Variants in CAMTA1 observed in about 807,000 individuals in gnomAD.
CAMTA1 encodes the protein calmodulin-binding transcription activator 1.
Under a neutral mutation model 170.9 loss-of-function variants are expected in CAMTA1, and 27 were observed. That is an observed-to-expected ratio of 0.16 (90% CI 0.12 to 0.22). The LOEUF (loss-of-function observed/expected upper bound fraction) is 0.22. CAMTA1 is among the 10% of genes least tolerant of loss of function. The pLI, the probability that CAMTA1 is intolerant of heterozygous loss-of-function variation, is 1.00. For missense variants in CAMTA1, 1,619 were observed against 2,217.2 expected (o/e 0.73, Z 5.42); for synonymous variants, 833 against 891.5 (o/e 0.93, Z 1.17).
intron 6 of CAMTA1, among the ~76,000 whole-genome samples, chr1:7,496,273 G>A (rs1215242298): frequency 6.6e-6 from 1 of 152,238 alleles, no homozygotes; most frequent in South Asian, 2.1e-4. Flanking sequence ...GGCTGTTGTG[G>A]GCTCTCTGTA....
rs1464557377 is a variant in CAMTA1 at position 7,677,751 on chromosome 1, G to T, written c.2914+18G>T. ...GTTGGACGGTAAGAACAGTGCTTGG[G>T]TCGTCTTGCCAGGCACCAAGGGAGA... On this transcript the variant is annotated intron_variant, in intron 11 of 22. Coordinates refer to ENST00000303635, the MANE Select transcript of CAMTA1 (RefSeq NM_015215.4). 1 of 1,608,444 alleles carries T rather than the reference G, an allele frequency of 6.2e-7. No individual in the cohort carries two copies. Among genetic ancestry groups the T allele is most frequent in the African/African-American group, 1.3e-5 (1 of 74,774 alleles).
intron 3 of CAMTA1, among the ~76,000 whole-genome samples, chr1:6,915,879 C>G (rs1425743814): frequency 6.6e-6 from 1 of 152,186 alleles, no homozygotes; most frequent in East Asian, 1.9e-4. Flanking sequence ...ACAACTGAGT[C>G]TCTGACCCCA....
chr1:7,119,828 G>T (rs182240107), intron 4 of CAMTA1, among the ~76,000 whole-genome samples: 248 of 152,298 alleles, frequency 1.6e-3, no homozygotes, highest in Non-Finnish European at 3.0e-3. Context: ...AGAAAATGAT[G>T]TGCGTGGCCT....
At chr1:7,320,969 CA>C (rs1678325695) in intron 5 of CAMTA1, among the ~76,000 whole-genome samples, 4 of 152,138 alleles carry the variant, frequency 2.6e-5, no homozygotes, top group African/African-American at 7.2e-5. Context: ...GACTCTGTGC[CA>C]AACCATCCTC....
intron 3 of CAMTA1, among the ~76,000 whole-genome samples, chr1:7,053,504 G>A (rs1424934798): frequency 6.6e-6 from 1 of 152,190 alleles, no homozygotes; most frequent in South Asian, 2.1e-4. Flanking sequence ...GTCAGATCAT[G>A]GCACGTCTTT....
intron 3 of CAMTA1, among the ~76,000 whole-genome samples, chr1:6,994,554 C>T (rs1182547160): frequency 3.9e-5 from 6 of 152,130 alleles, no homozygotes; most frequent in Admixed American, 1.3e-4. Context: ...TTATTCCCTG[C>T]GGAACGTGTC....
At position 7,144,953 on chromosome 1, in the gene CAMTA1, C is replaced by T. The variant is rs1646098583; in HGVS notation, c.302+53582C>T. Among the ~76,000 whole-genome samples the T allele has an allele frequency of 6.6e-6, 1 of 152,258 alleles. No homozygotes were observed. Among genetic ancestry groups the T allele is most frequent in the African/African-American group, 2.4e-5 (1 of 41,468 alleles). ...AAATGCAGACAGGAAGGCCGAGTAA[C>T]CTCTCAAGCTCTGCAGCGGTTGGGA... On this transcript the variant is annotated intron_variant, in intron 4 of 22. Transcript: ENST00000303635. The surrounding 1 kb of genome is among the most constrained non-coding windows in gnomAD (Gnocchi z 4.0).
intron 3 of CAMTA1, among the ~76,000 whole-genome samples, chr1:7,040,703 C>A (rs1704305116): frequency 6.6e-6 from 1 of 151,758 alleles, no homozygotes; most frequent in African/African-American, 2.4e-5. Flanking sequence ...GGACTTTCTG[C>A]CTTGGCCATG....
chr1:6,861,594 T>C (rs879330067), intron 3 of CAMTA1, among the ~76,000 whole-genome samples: 16 of 152,196 alleles, frequency 1.1e-4, no homozygotes, highest in Non-Finnish European at 2.2e-4. Flanking sequence ...TTGAACTGCA[T>C]GTCAGTAGGG....
rs553306449 is a variant in CAMTA1 at position 7,240,276 on chromosome 1, G to C, written c.303-9215G>C. On this transcript the variant is annotated intron_variant, in intron 4 of 22. Transcript: ENST00000303635. ...TCCTATTTGGTAACTCAAAAGAACA[G>C]TTTGTACAGGAAAGGCAGGATATGT... is the stretch of plus-strand genomic sequence containing the variant. Among the ~76,000 whole-genome samples, 6 of 152,240 alleles carry C rather than the reference G, an allele frequency of 3.9e-5. No individual in the cohort carries two copies. The East Asian group carries it at 9.7e-4, about 25-fold the overall frequency.
chr1:7,481,904 A>G (rs1229911085), intron 6 of CAMTA1, among the ~76,000 whole-genome samples: 2 of 151,730 alleles, frequency 1.3e-5, no homozygotes, highest in Admixed American at 6.6e-5. Flanking sequence ...TGCGTGCGTC[A>G]GTCATACCCT....
At chr1:7,717,679 GT>G (rs1400837908) in intron 11 of CAMTA1, among the ~76,000 whole-genome samples, 2 of 151,936 alleles carry the variant, frequency 1.3e-5, no homozygotes, top group African/African-American at 4.8e-5. Context: ...GGTGAGTCAT[GT>G]TTGCACCACT....
chr1:7,177,687 C>T (rs1651204426), intron 4 of CAMTA1, among the ~76,000 whole-genome samples: 1 of 149,648 alleles, frequency 6.7e-6, no homozygotes, highest in African/African-American at 2.5e-5. Context: ...TGCCCATATA[C>T]CAGTACCCCT....
In CAMTA1 at chr1:7,665,993, C is replaced by A. The variant is rs918944696; in HGVS notation, c.2652+794C>A. ...GACTAGCCTGGCCAACATGGTGAAACCCCGTCTCTACTAAAAATACAAAAA... is the reference window on the plus strand; with the variant it reads ...GACTAGCCTGGCCAACATGGTGAAAACCCGTCTCTACTAAAAATACAAAAA... On this transcript the variant is annotated intron_variant, in intron 9 of 22. Coordinates refer to ENST00000303635, the MANE Select transcript of CAMTA1 (RefSeq NM_015215.4). The surrounding 1 kb of genome is among the most constrained non-coding windows in gnomAD (Gnocchi z 4.3). Among the ~76,000 whole-genome samples the A allele has an allele frequency of 6.6e-6, 1 of 151,912 alleles. No homozygotes were observed. Among genetic ancestry groups the A allele is most frequent in the Admixed American group, 6.5e-5 (1 of 15,268 alleles).
chr1:6,877,247 A>G (rs1332136648), intron 3 of CAMTA1, among the ~76,000 whole-genome samples: 2 of 152,218 alleles, frequency 1.3e-5, no homozygotes, highest in Non-Finnish European at 2.9e-5. Flanking sequence ...TTTTGAGGGC[A>G]AGCGGCAGAC....
At chr1:7,130,284 A>G (rs1558142974) in intron 4 of CAMTA1, among the ~76,000 whole-genome samples, 1 of 152,094 alleles carries the variant, frequency 6.6e-6, no homozygotes, top group African/African-American at 2.4e-5. Context: ...AGGTTCATAC[A>G]TATTGTGTGT....
At chr1:7,245,201 G>GTA (rs1319233672) in intron 4 of CAMTA1, among the ~76,000 whole-genome samples, 70 of 147,186 alleles carry the variant, frequency 4.8e-4, no homozygotes, top group East Asian at 6.1e-4. Flanking sequence ...ATGTGTGTGT[G>GTA]TATATATATA....
rs572310059 is a variant in CAMTA1, at chr1:7,761,360, T to C, written c.4990-5099T>C. ...TAGCTTCTGTCCTGCATTGCCTCTA[T>C]GAGCTCAGGGAAGACTGCTTTGCCT... On this transcript the variant is annotated intron_variant, in intron 22 of 22. Transcript: ENST00000303635. Among the ~76,000 whole-genome samples, 53 of 152,276 alleles carry C rather than the reference T, an allele frequency of 3.5e-4. No homozygotes were observed. The East Asian group carries it at 4.6e-3, about 13-fold the overall frequency.
At chr1:7,503,859 C>T (rs1010107966) in intron 6 of CAMTA1, among the ~76,000 whole-genome samples, 40 of 152,282 alleles carry the variant, frequency 2.6e-4, no homozygotes, top group Admixed American at 2.3e-3. Context: ...CGCATCTGGC[C>T]GGCTCTGAGC....
Sources: gnomAD v4.1 joint callset for allele counts (sites outside exome capture counted in the v4.1 genomes callset) on GRCh38, gnomAD v4.1.1 for gene constraint, Gnocchi (gnomAD v3.1) non-coding constraint, MANE v1.5 for transcripts, NCBI Gene and HGNC (gene_info 2026-07-23, HGNC 2026-07-21) for gene names.